The following SLIT2 variants were observed in gnomAD, a reference collection of about 807,000 sequenced individuals.
The protein encoded by SLIT2 is slit guidance ligand 2, also known as slit homolog 2 protein.
A neutral mutation model predicts 185.7 loss-of-function variants in SLIT2; 41 were observed. The observed-to-expected ratio is 0.22, with a 90% CI of 0.17 to 0.29. The LOEUF (loss-of-function observed/expected upper bound fraction) is 0.29, where lower values mean the gene tolerates loss of function less well. SLIT2 is among the 10% of genes least tolerant of loss of function. The probability of loss-of-function intolerance (pLI) is 1.00; values close to 1 mark genes in which losing one functional copy is unlikely to be tolerated. For missense variants in SLIT2, 1,571 were observed against 1,909.0 expected, an observed-to-expected ratio of 0.82 and a Z score of 3.30; for synonymous variants, 693 against 680.2, an observed-to-expected ratio of 1.02 and a Z score of -0.29.
chr4:20,466,055 G>GT (rs1359383397), intron 4 of SLIT2, among the ~76,000 whole-genome samples: 8 of 152,020 alleles, frequency 5.3e-5, no homozygotes, highest in Admixed American at 5.2e-4. Context: ...CTACTAAATG[G>GT]TTTTTAGGAG....
chr4:20,477,702 A>G (rs1262928315), intron 5 of SLIT2, among the ~76,000 whole-genome samples: 1 of 152,254 alleles, frequency 6.6e-6, no homozygotes, highest in African/African-American at 2.4e-5. Context: ...GGTCTGAAAT[A>G]AACCACTTAT....
At chr4:20,297,213 T>A (rs996534218) in intron 4 of SLIT2, among the ~76,000 whole-genome samples, 13 of 152,344 alleles carry the variant, frequency 8.5e-5, no homozygotes, top group African/African-American at 3.1e-4. Context: ...TAAAATTGGA[T>A]GAATGCTGTC....
chr4:20,583,004 T>C (rs1479323023), intron 29 of SLIT2, among the ~76,000 whole-genome samples: 2 of 152,198 alleles, frequency 1.3e-5, no homozygotes, highest in African/African-American at 2.4e-5. Context: ...TTCACCAAGC[T>C]ACTCAGAACT....
chr4:20,568,539 G>T (rs1046350693), intron 28 of SLIT2, among the ~76,000 whole-genome samples: 2 of 151,966 alleles, frequency 1.3e-5, no homozygotes, highest in African/African-American at 2.4e-5. Context: ...CACAACTCAA[G>T]ATTAAGATAT....
At chr4:20,368,287 C>A (rs1463097659) in intron 4 of SLIT2, among the ~76,000 whole-genome samples, 1 of 144,518 alleles carries the variant, frequency 6.9e-6, no homozygotes, top group African/African-American at 2.5e-5. Flanking sequence ...ATTTCTAACA[C>A]AGTCATCTAA....
chr4:20,349,405 T>G (rs1302549662), intron 4 of SLIT2, among the ~76,000 whole-genome samples: 1 of 152,212 alleles, frequency 6.6e-6, no homozygotes, highest in Non-Finnish European at 1.5e-5. Context: ...AGATTGAGAT[T>G]GGATACTGTC....
chr4:20,493,784 A>G (rs557633782), intron 9 of SLIT2, among the ~76,000 whole-genome samples: 2 of 152,350 alleles, frequency 1.3e-5, no homozygotes, highest in African/African-American at 4.8e-5. Flanking sequence ...TAATCATTCC[A>G]GAAATGATAA....
At chr4:20,567,956 T>C (rs1433757103) in intron 28 of SLIT2, among the ~76,000 whole-genome samples, 1 of 152,084 alleles carries the variant, frequency 6.6e-6, no homozygotes, top group East Asian at 1.9e-4. Flanking sequence ...AGTCATATAT[T>C]CATCTGTTGT....
intron 4 of SLIT2, among the ~76,000 whole-genome samples, chr4:20,329,982 A>G (rs368250470): frequency 1.3e-5 from 2 of 151,758 alleles, no homozygotes; most frequent in African/African-American, 4.8e-5. Flanking sequence ...TCCTAATTTT[A>G]TCATTTTTTA....
intron 29 of SLIT2, among the ~76,000 whole-genome samples, chr4:20,572,922 CTT>C (rs1384202585): frequency 1.3e-5 from 2 of 152,154 alleles, no homozygotes; most frequent in African/African-American, 4.8e-5. Context: ...CCCATTTTCT[CTT>C]TGTTTTCCGA....
chr4:20,334,928 T>C (rs1318722673), intron 4 of SLIT2, among the ~76,000 whole-genome samples: 2 of 152,212 alleles, frequency 1.3e-5, no homozygotes, highest in Admixed American at 6.5e-5. Context: ...TTCATATGTA[T>C]AGTAATTAAT....
chr4:20,299,290 A>G (rs1716813218), intron 4 of SLIT2, among the ~76,000 whole-genome samples: 1 of 152,182 alleles, frequency 6.6e-6, no homozygotes, highest in Non-Finnish European at 1.5e-5. Context: ...TTTAAAAAAC[A>G]TTATTTCTAA....
intron 4 of SLIT2, among the ~76,000 whole-genome samples, chr4:20,272,489 C>A (rs1713731278): frequency 6.6e-6 from 1 of 152,018 alleles, no homozygotes; most frequent in Non-Finnish European, 1.5e-5. Flanking sequence ...AGTACTAATA[C>A]AAATCTTCCT....
At chr4:20,382,409 C>T (rs554869835) in intron 4 of SLIT2, among the ~76,000 whole-genome samples, 3 of 152,124 alleles carry the variant, frequency 2.0e-5, no homozygotes, top group Non-Finnish European at 2.9e-5. Flanking sequence ...CTAACATGAT[C>T]GTTTTTGTAG....
At chr4:20,486,733 C>G (rs1321693671) in intron 7 of SLIT2, among the ~76,000 whole-genome samples, 2 of 152,056 alleles carry the variant, frequency 1.3e-5, no homozygotes, top group East Asian at 3.9e-4. Flanking sequence ...TTAAAAATAT[C>G]TTTCTGGGTT....
intron 33 of SLIT2, among the ~76,000 whole-genome samples, chr4:20,600,530 C>T (rs761777343): frequency 1.2e-4 from 18 of 145,488 alleles, no homozygotes; most frequent in Non-Finnish European, 2.5e-4. Context: ...TCATGCCATT[C>T]TCCTGCCTCG....
intron 3 of SLIT2, among the ~76,000 whole-genome samples, chr4:20,263,228 T>G (rs1712675471): frequency 6.6e-6 from 1 of 151,764 alleles, no homozygotes; most frequent in Admixed American, 6.6e-5. Context: ...TGCCATTATG[T>G]TTTTTCAAAC....
At chr4:20,490,953 A>G (rs1717734718) in intron 8 of SLIT2, 2 of 650,844 alleles carry the variant, frequency 3.1e-6, no homozygotes, top group Middle Eastern at 5.0e-4. Context: ...CAGGTTGGAA[A>G]GGGCAGTCCC....
At chr4:20,465,735 A>T (rs1232614833) in intron 4 of SLIT2, among the ~76,000 whole-genome samples, 1 of 152,112 alleles carries the variant, frequency 6.6e-6, no homozygotes, top group Non-Finnish European at 1.5e-5. Flanking sequence ...GCATTTCACA[A>T]TTTTTTCTAC....
Sources: allele counts gnomAD v4.1 joint callset (sites outside exome capture counted in the v4.1 genomes callset), GRCh38; gene constraint gnomAD v4.1.1; transcripts MANE v1.5; gene names NCBI Gene and HGNC (gene_info 2026-07-23, HGNC 2026-07-21).